Variants in PCDHGA4 observed in about 807,000 individuals in gnomAD.
The protein encoded by PCDHGA4 is protocadherin gamma subfamily A, 4, also known as protocadherin gamma-A4.
PCDHGA4 carries 38 observed loss-of-function variants against 54.6 expected under a neutral mutation model. The observed-to-expected ratio is 0.70, with a 90% confidence interval of 0.54 to 0.91. The LOEUF is 0.91. PCDHGA4 is among the 40% of genes least tolerant of loss of function. PCDHGA4 has a pLI of 0.00. For synonymous variants in PCDHGA4, 511 were observed against 512.9 expected, an observed-to-expected ratio of 1.00 and a Z score of 0.05; for missense variants, 1,298 against 1,220.9, an observed-to-expected ratio of 1.06 and a Z score of -0.94.
At chr5:141,404,302 T>G (rs377754198) in intron 1 of PCDHGA4, 1 of 1,613,858 alleles carries the variant, frequency 6.2e-7, no homozygotes, top group African/African-American at 1.3e-5. Flanking sequence ...ATAATCCACC[T>G]GCTTTCTCTC....
At chr5:141,378,717 A>AG (rs1263141486) in intron 1 of PCDHGA4, 3 of 152,242 alleles carry the variant, frequency 2.0e-5, no homozygotes, top group Non-Finnish European at 4.4e-5. Flanking sequence ...TTCATCATAT[A>AG]GGAACTCTTT....
chr5:141,372,398 G>A lies in PCDHGA4; in HGVS notation c.2514+14777G>A, dbSNP rs772578154. The stretch of plus-strand genomic sequence containing the variant: ...TGCACCTAATCTTCGCAGATAGCTT[G>A]CAAGAGATACAACCTGACCTTAGCG... On this transcript the variant is annotated intron_variant, in intron 1 of 3. Transcript: ENST00000571252. 22 of 1,614,058 alleles carry A rather than the reference G, an allele frequency of 1.4e-5. No individual in the cohort carries two copies. The East Asian group carries it at 4.9e-4, about 36-fold the overall frequency.
intron 1 of PCDHGA4, chr5:141,440,191 A>G (rs1239698049): frequency 1.3e-5 from 2 of 152,376 alleles, no homozygotes; most frequent in African/African-American, 4.8e-5. Context: ...GTTGAAGGCC[A>G]GGCATGGTGG....
At chr5:141,374,840 G>A (rs766575793) in intron 1 of PCDHGA4, 4 of 1,613,792 alleles carry the variant, frequency 2.5e-6, no homozygotes, top group Non-Finnish European at 3.4e-6. Context: ...AAGTGTTCCT[G>A]AAAACCTGCC....
chr5:141,450,842 T>TTTTTA, intron 1 of PCDHGA4, among the ~76,000 whole-genome samples: 1 of 148,196 alleles, frequency 6.7e-6, no homozygotes, highest in African/African-American at 2.5e-5. Context: ...TTTTTTTTTT[T>TTTTTA]GAGATGGGGT....
chr5:141,415,819 T>C, intron 1 of PCDHGA4: 1 of 1,328,322 alleles, frequency 7.5e-7, no homozygotes, highest in Admixed American at 3.5e-5. Context: ...CTATATATCA[T>C]AAGGCTTTGT....
chr5:141,432,070 T>C lies in PCDHGA4; in HGVS notation c.2515-62737T>C. 6.2e-7 allele frequency: 1 copy of C among 1,614,136 alleles called. No homozygotes were observed. The highest frequency in any genetic ancestry group is 2.2e-5 in the East Asian group (1 of 44,860). ...CCCCGCCCCTATCCACGGAAACTCATATCTCGCTGAACGTGGCAGACACCA... is the reference window on the plus strand; with the variant it reads ...CCCCGCCCCTATCCACGGAAACTCACATCTCGCTGAACGTGGCAGACACCA... On this transcript the variant is annotated intron_variant, in intron 1 of 3. Transcript: ENST00000571252. The surrounding 1 kb of genome is among the most constrained non-coding windows in gnomAD (Gnocchi z 6.0).
chr5:141,384,934 G>C lies in PCDHGA4; in HGVS notation c.2514+27313G>C, dbSNP rs750109041. Reference sequence around the variant, plus strand: ...AGTCTTGGCCGACCTGGGCAGCCTTGAGCCCTCCGACGGTCCTTACAACTA... The same window carrying C: ...AGTCTTGGCCGACCTGGGCAGCCTTCAGCCCTCCGACGGTCCTTACAACTA... On this transcript the variant is annotated intron_variant, in intron 1 of 3. Coordinates refer to ENST00000571252, the MANE Select transcript of PCDHGA4 (RefSeq NM_018917.4). 2.9e-5 allele frequency: 47 copies of C among 1,614,050 alleles called. No homozygotes were observed. In the East Asian group the frequency reaches 1.0e-3, roughly 34 times the overall value.
rs771124496 is a variant in PCDHGA4, at chr5:141,489,457, C to A, written c.2515-5350C>A. The A allele has an allele frequency of 6.2e-7, 1 of 1,613,882 alleles. No homozygotes were observed. The highest frequency in any genetic ancestry group is 8.5e-7 in the Non-Finnish European group (1 of 1,179,984). ...GCAATTGGGCTCTGAGGAGAATGGG[C>A]GCTATTTTTCCCTGAGCTTGATGAG... On this transcript the variant is annotated intron_variant, in intron 1 of 3. Coordinates refer to ENST00000571252, the MANE Select transcript of PCDHGA4 (RefSeq NM_018917.4). This position sits in a 1 kb window ranked among gnomAD's most constrained non-coding sequence, Gnocchi z 4.5.
At chr5:141,419,279 G>C in intron 1 of PCDHGA4, 1 of 1,614,042 alleles carries the variant, frequency 6.2e-7, no homozygotes, top group South Asian at 1.1e-5. Flanking sequence ...CATAGCGCAA[G>C]TCAGTGCCTC....
At chr5:141,392,776 C>T in intron 1 of PCDHGA4, 1 of 1,526,772 alleles carries the variant, frequency 6.5e-7, no homozygotes, top group African/African-American at 1.4e-5. Flanking sequence ...CATTTATGCA[C>T]AGTGAAGATT....
Position 141,489,465 on chromosome 5 carries a change from T to C in PCDHGA4, c.2515-5342T>C. On this transcript the variant is annotated intron_variant, in intron 1 of 3. Transcript: ENST00000571252. The surrounding 1 kb of genome is among the most constrained non-coding windows in gnomAD (Gnocchi z 4.5). The stretch of plus-strand genomic sequence containing the variant: ...GCTCTGAGGAGAATGGGCGCTATTT[T>C]TCCCTGAGCTTGATGAGTGGTGCCC... The C allele has an allele frequency of 1.2e-6, 2 of 1,614,082 alleles. No homozygotes were observed. The highest frequency in any genetic ancestry group is 1.3e-5 in the African/African-American group (1 of 75,042).
chr5:141,396,830 G>A (rs1014090361), intron 1 of PCDHGA4, among the ~76,000 whole-genome samples: 1 of 152,198 alleles, frequency 6.6e-6, no homozygotes, highest in African/African-American at 2.4e-5. Context: ...TGCATATTCA[G>A]TGGAGTGGGA....
intron 1 of PCDHGA4, among the ~76,000 whole-genome samples, chr5:141,369,540 A>G (rs983606884): frequency 1.3e-5 from 2 of 152,200 alleles, no homozygotes; most frequent in African/African-American, 4.8e-5. Context: ...TATTTAATTA[A>G]AAGTAGACAC....
At position 141,398,826 on chromosome 5, in the gene PCDHGA4, C is replaced by T. The variant is rs755219133; in HGVS notation, c.2514+41205C>T. On this transcript the variant is annotated intron_variant, in intron 1 of 3. Coordinates refer to ENST00000571252, the MANE Select transcript of PCDHGA4 (RefSeq NM_018917.4). ...CCACTGAGCTCCGGATCCAGGTAACCGACGCCAATGATAATCCCCCGGTAT... is the reference window on the plus strand; with the variant it reads ...CCACTGAGCTCCGGATCCAGGTAACTGACGCCAATGATAATCCCCCGGTAT... 81 of 1,613,942 alleles carry T rather than the reference C, an allele frequency of 5.0e-5. 1 individual carries two copies. In the South Asian group the frequency reaches 7.7e-4, roughly 15 times the overall value.
chr5:141,401,888 TTC>T (rs1281227155), intron 1 of PCDHGA4, among the ~76,000 whole-genome samples: 3 of 152,232 alleles, frequency 2.0e-5, no homozygotes, highest in Non-Finnish European at 2.9e-5. Flanking sequence ...ATATTTTGTG[TTC>T]TTTTTCCCAA....
Position 141,394,523 on chromosome 5 carries a change from C to A in PCDHGA4, c.2514+36902C>A, listed in dbSNP as rs373702756. ...TCCTGTACCCCGCCCTCCCCACAGACGGTTCCACTGGCGTGGAGCTGGCGC... is the reference window on the plus strand; with the variant it reads ...TCCTGTACCCCGCCCTCCCCACAGAAGGTTCCACTGGCGTGGAGCTGGCGC... On this transcript the variant is annotated intron_variant, in intron 1 of 3. Transcript: ENST00000571252. The A allele has an allele frequency of 1.1e-5, 17 of 1,614,116 alleles. No homozygotes were observed. The highest frequency in any genetic ancestry group is 5.3e-5 in the African/African-American group (4 of 74,950).
At chr5:141,392,641 C>CGAA in intron 1 of PCDHGA4, 1 of 655,502 alleles carries the variant, frequency 1.5e-6, no homozygotes, top group Non-Finnish European at 2.5e-6. Flanking sequence ...TCACACCTCA[C>CGAA]GAAGACCCGC....
chr5:141,423,317 C>T, intron 1 of PCDHGA4: 4 of 1,614,118 alleles, frequency 2.5e-6, no homozygotes, highest in Non-Finnish European at 3.4e-6. Flanking sequence ...TTGGTGGTGG[C>T]GGTGGCCGCA....
Sources: allele counts gnomAD v4.1 joint callset (sites outside exome capture counted in the v4.1 genomes callset), GRCh38; gene constraint gnomAD v4.1.1; non-coding constraint Gnocchi (gnomAD v3.1); transcripts MANE v1.5; gene names NCBI Gene and HGNC (gene_info 2026-07-23, HGNC 2026-07-21).